TAL1: variants seen among roughly 807,000 people sequenced by gnomAD.
TAL1 encodes the protein T-cell acute lymphocytic leukemia protein 1.
A neutral mutation model predicts 17.9 loss-of-function variants in TAL1; 8 were observed. That is an observed-to-expected ratio of 0.45 (90% CI 0.26 to 0.81). The LOEUF (loss-of-function observed/expected upper bound fraction) is 0.81, where lower values mean the gene tolerates loss of function less well. Ranked by LOEUF, TAL1 falls within the 30% of genes least tolerant of loss-of-function variation. TAL1 has a pLI of 0.17. For missense variants in TAL1, 466 were observed against 486.9 expected (o/e 0.96, Z 0.40); for synonymous variants, 223 against 218.6 (o/e 1.02, Z -0.18).
intron 1 of TAL1, 46 bp from the exon 3 acceptor site, chr1:47,225,935 C>T (rs1377151846): frequency 6.5e-7 from 1 of 1,546,320 alleles, no homozygotes; most frequent in Non-Finnish European, 8.7e-7. Flanking sequence ...CTGACGACCG[C>T]CCCTGACCCA....
exon 2 of TAL1, chr1:47,225,547 G>A (rs2148591399): frequency 1.6e-6 from 2 of 1,272,694 alleles, no homozygotes; most frequent in African/African-American, 1.6e-5. Context: ...TGCGGCCGTC[G>A]CCGGGCAGCT....
At chr1:47,224,268 A>G (rs531538911) in intron 2 of TAL1, among the ~76,000 whole-genome samples, 170 bp from the exon 4 acceptor site, 1 of 151,894 alleles carries the variant, frequency 6.6e-6, no homozygotes, top group South Asian at 2.1e-4. Flanking sequence ...ACACATACAC[A>G]CGGAATGCCC....
intron 2 of TAL1, 62 bp downstream of exon 3, chr1:47,225,381 C>G: frequency 1.6e-6 from 2 of 1,217,480 alleles, no homozygotes; most frequent in Non-Finnish European, 2.0e-6. Flanking sequence ...AAGGAAACCC[C>G]GGTGGGGGTG....
At chr1:47,221,282 C>A (rs1206247424) in intron 3 of TAL1, among the ~76,000 whole-genome samples, 1 of 152,218 alleles carries the variant, frequency 6.6e-6, no homozygotes, top group Non-Finnish European at 1.5e-5. Context: ...CAGCTATGCA[C>A]AGCCATGGCC....
chr1:47,225,882 C>G (rs772021020), exon 2 of TAL1: 2 of 1,566,210 alleles, frequency 1.3e-6, no homozygotes, highest in Admixed American at 1.7e-5. Flanking sequence ...GGCGGCCGCT[C>G]GGTCATCCTG....
At chr1:47,225,541 G>A in exon 2 of TAL1, 1 of 1,270,882 alleles carries the variant, frequency 7.9e-7, no homozygotes, top group Non-Finnish European at 9.9e-7. Flanking sequence ...GCACCATGCG[G>A]CCGTCGCCGG....
exon 4 of TAL1, chr1:47,219,946 C>T: frequency 8.0e-6 from 11 of 1,375,946 alleles, no homozygotes; most frequent in Non-Finnish European, 1.1e-5. Context: ...AGGGTCCTTG[C>T]CAGTCTTGGC....
At chr1:47,219,689 C>A (rs753934660) in exon 4 of TAL1, 18 of 1,604,822 alleles carry the variant, frequency 1.1e-5, no homozygotes, top group South Asian at 2.2e-5. Flanking sequence ...CTAAGAACGC[C>A]CTCCTGGCTG....
intron 3 of TAL1, chr1:47,223,287 T>A (rs1409068397): frequency 2.0e-5 from 3 of 152,256 alleles, no homozygotes; most frequent in Non-Finnish European, 4.4e-5. Context: ...CTGGGACCAA[T>A]CTACTATACA....
At position 47,218,451 on chromosome 1, in the gene TAL1, T is replaced by C. The variant is rs112752846; in HGVS notation, c.*1269A>G. 1.2e-3 allele frequency: 286 copies of C among 232,966 alleles called. 2 individuals are homozygous for C. Among genetic ancestry groups the C allele is most frequent in the African/African-American group, 6.0e-3 (275 of 45,462 alleles). The allele number at this position is 232,966 out of a possible 1,614,324, so 14.4% of individuals were successfully genotyped here. ...GGATGTGATTTACAAAAATTTCATG[T>C]ACAACTTTCAGAGGGGAGCACTTCT... On this transcript the variant is annotated 3_prime_UTR_variant, in exon 4 of 4. Transcript: ENST00000294339.
exon 4 of TAL1, chr1:47,217,666 T>G: frequency 2.5e-6 from 1 of 398,594 alleles, no homozygotes; most frequent in Non-Finnish European, 4.4e-6. Flanking sequence ...CAGAGTCACA[T>G]GGCAAGTCTG....
intron 3 of TAL1, among the ~76,000 whole-genome samples, chr1:47,222,192 G>A (rs1270924061): frequency 2.0e-5 from 3 of 152,206 alleles, no homozygotes; most frequent in Admixed American, 6.5e-5. Flanking sequence ...GTTGGGGAGG[G>A]GGTACTTATG....
intron 3 of TAL1, among the ~76,000 whole-genome samples, chr1:47,221,614 G>A (rs1643809300): frequency 6.6e-6 from 1 of 152,178 alleles, no homozygotes; most frequent in Non-Finnish European, 1.5e-5. Flanking sequence ...TCTGAGCACT[G>A]AAGGAACTGC....
At chr1:47,225,551 G>A (rs1643894187) in exon 2 of TAL1, 2 of 1,275,044 alleles carry the variant, frequency 1.6e-6, no homozygotes, top group South Asian at 3.0e-5. Context: ...GCCGTCGCCG[G>A]GCAGCTCCGC....
rs893544841 is a variant in TAL1 at position 47,225,549 on chromosome 1, C to T, written c.340G>A (p.Gly114Ser). 1 of 1,272,912 alleles carries T rather than the reference C, an allele frequency of 7.9e-7. No individual in the cohort carries two copies. Among genetic ancestry groups the T allele is most frequent in the East Asian group, 3.2e-5 (1 of 31,698 alleles). 78.9% of individuals were successfully genotyped at this position (1,272,912 alleles called of 1,614,324 possible). A position where few individuals can be genotyped will look rare whatever the true frequency, so the allele number is the denominator to read the frequency against. ...CTCAGCTGCACCATGCGGCCGTCGC[C>T]GGGCAGCTCCGCTGTAACCGAGGCG... is the stretch of plus-strand genomic sequence containing the variant. The change falls in exon 2 of 4, where the codon GGC becomes AGC. Residue 114 changes from glycine (G) to serine (S), a missense_variant. Physicochemically the swap from Gly to Ser is moderately conservative, Grantham distance 56 (BLOSUM62 0). Coordinates refer to ENST00000294339, the Ensembl canonical transcript of TAL1.
chr1:47,229,969 G>A (rs994379719), upstream of TAL1: 2 of 152,248 alleles, frequency 1.3e-5, no homozygotes, highest in African/African-American at 4.8e-5. Flanking sequence ...GGCTTGGAGA[G>A]AGATATCTGA....
intron 2 of TAL1, among the ~76,000 whole-genome samples, 198 bp downstream of exon 3, chr1:47,225,245 C>T (rs1037801338): frequency 2.6e-5 from 4 of 152,228 alleles, no homozygotes; most frequent in Non-Finnish European, 5.9e-5. Context: ...CACAGAAGGC[C>T]CCTCCCTCAC....
exon 4 of TAL1, chr1:47,218,565 C>T (rs957825515): frequency 1.4e-4 from 32 of 232,810 alleles, no homozygotes; most frequent in Non-Finnish European, 2.3e-4. Context: ...AGTGAATGTG[C>T]ATATGTTTGG....
chr1:47,217,727 C>T, exon 4 of TAL1: 1 of 398,616 alleles, frequency 2.5e-6, no homozygotes, highest in Non-Finnish European at 4.4e-6. Context: ...TGTGATCCAT[C>T]TCATAAAACC....
Sources: gnomAD v4.1 joint callset for allele counts (sites outside exome capture counted in the v4.1 genomes callset) on GRCh38, gnomAD v4.1.1 for gene constraint, MANE v1.5 for transcripts, NCBI Gene and HGNC (gene_info 2026-07-23, HGNC 2026-07-21) for gene names.